ABHD17C: variants seen among roughly 807,000 people sequenced by gnomAD.
ABHD17C encodes the protein alpha/beta hydrolase domain-containing protein 17C.
A neutral mutation model predicts 27.9 loss-of-function variants in ABHD17C; 11 were observed. The ratio of observed to expected loss-of-function variants is 0.39; its 90% CI spans 0.25 to 0.65. The LOEUF (loss-of-function observed/expected upper bound fraction) is 0.65, where lower values mean the gene tolerates loss of function less well. Ranked by LOEUF, ABHD17C falls within the 30% of genes least tolerant of loss-of-function variation. The pLI is 0.45. For missense variants in ABHD17C, 280 were observed against 470.2 expected, an observed-to-expected ratio of 0.60 and a Z score of 3.74; for synonymous variants, 233 against 209.1, an observed-to-expected ratio of 1.11 and a Z score of -0.98.
intron 2 of ABHD17C, among the ~76,000 whole-genome samples, chr15:80,750,485 A>G (rs1352735123): frequency 6.6e-6 from 1 of 152,252 alleles, no homozygotes; most frequent in African/African-American, 2.4e-5. Flanking sequence ...AAACCTCAGC[A>G]GAAAGAAGAC....
chr15:80,732,035 A>G (rs932817511), intron 1 of ABHD17C, among the ~76,000 whole-genome samples: 11 of 152,210 alleles, frequency 7.2e-5, no homozygotes, highest in African/African-American at 2.4e-4. Context: ...TTAAAGTGCC[A>G]TTTACATCTG....
rs1044664733 is a variant in ABHD17C, at chr15:80,732,385, G to A, written c.591-17128G>A. Among the ~76,000 whole-genome samples the A allele has an allele frequency of 4.6e-5, 7 of 152,134 alleles. No individual in the cohort carries two copies. The East Asian group carries it at 7.7e-4, about 17-fold the overall frequency. On this transcript the variant is annotated intron_variant, in intron 1 of 2. Transcript: ENST00000258884. ...TATCCCAGACTCTGATAGGCTTATC[G>A]CAAGCAGCTCTCTTGGCAGTTTCCA...
intron 1 of ABHD17C, among the ~76,000 whole-genome samples, chr15:80,720,519 T>A (rs1365505349): frequency 7.9e-5 from 12 of 152,224 alleles, no homozygotes; most frequent in Non-Finnish European, 1.8e-4. Flanking sequence ...TTCTGGTTTC[T>A]TGAAGCTGGC....
chr15:80,722,737 G>A (rs548867280), intron 1 of ABHD17C, among the ~76,000 whole-genome samples: 4 of 152,126 alleles, frequency 2.6e-5, no homozygotes, highest in Non-Finnish European at 4.4e-5. Context: ...CTCCCCTAAC[G>A]CCTGGCAACC....
chr15:80,741,975 G>C (rs1895217327), intron 1 of ABHD17C, among the ~76,000 whole-genome samples: 1 of 152,292 alleles, frequency 6.6e-6, no homozygotes, highest in African/African-American at 2.4e-5. Context: ...TCACATCCCA[G>C]GTGGGACGGA....
intron 1 of ABHD17C, among the ~76,000 whole-genome samples, chr15:80,745,656 C>T (rs756222643): frequency 7.9e-5 from 12 of 152,162 alleles, no homozygotes; most frequent in African/African-American, 1.2e-4. Flanking sequence ...CGTGAGCCAT[C>T]GCGCCCAGCC....
chr15:80,754,071 T>A (rs1443900645), intron 2 of ABHD17C, 80 bp from the exon 3 acceptor site: 37 of 1,127,140 alleles, frequency 3.3e-5, no homozygotes, highest in Non-Finnish European at 4.9e-5. Context: ...ATTATTAACT[T>A]ATCATTAAAT....
At chr15:80,750,451 A>G (rs1373548227) in intron 2 of ABHD17C, among the ~76,000 whole-genome samples, 1 of 152,210 alleles carries the variant, frequency 6.6e-6, no homozygotes, top group African/African-American at 2.4e-5. Context: ...GGACTGGCCC[A>G]GCTCATGTTG....
chr15:80,709,992 A>G (rs1412022486), intron 1 of ABHD17C, among the ~76,000 whole-genome samples: 2 of 152,228 alleles, frequency 1.3e-5, no homozygotes, highest in Non-Finnish European at 2.9e-5. Context: ...TATGTGAATG[A>G]TAGTTTATTA....
At chr15:80,713,354 C>CTTTTTTT (rs67320992) in intron 1 of ABHD17C, among the ~76,000 whole-genome samples, 1,045 of 43,862 alleles carry the variant, frequency 0.024, 192 homozygotes, top group African/African-American at 0.038. Context: ...AGGTCTTGTT[C>CTTTTTTT]TTTTTTTTTT....
chr15:80,697,626 C>CTTT (rs35478204), intron 1 of ABHD17C, among the ~76,000 whole-genome samples: 1 of 145,912 alleles, frequency 6.9e-6, no homozygotes, highest in Non-Finnish European at 1.5e-5. Flanking sequence ...TTCCTGGAAA[C>CTTT]TTTTTTTTTT....
intron 1 of ABHD17C, among the ~76,000 whole-genome samples, chr15:80,708,394 C>T (rs1894678577): frequency 6.6e-6 from 1 of 152,206 alleles, no homozygotes; most frequent in South Asian, 2.1e-4. Flanking sequence ...CAGCTCACTG[C>T]AGCCTCTGCC....
chr15:80,733,672 G>A (rs918636786), intron 1 of ABHD17C, among the ~76,000 whole-genome samples: 1 of 152,170 alleles, frequency 6.6e-6, no homozygotes, highest in African/African-American at 2.4e-5. Context: ...TAGCATTGCT[G>A]TCTCAGATTC....
At position 80,695,726 on chromosome 15, in the gene ABHD17C, C is replaced by T. The variant is rs1399726692; in HGVS notation, c.297C>T (p.Tyr99=). 4 of 1,533,748 alleles carry T rather than the reference C, an allele frequency of 2.6e-6. No homozygotes were observed. Among genetic ancestry groups the T allele is most frequent in the Admixed American group, 2.0e-5 (1 of 50,920 alleles). ...TCAGCGAGCGCGCCGACTGGCAGTACTCGCAGCGCGAGCTGGACGCCGTCG... is the reference window on the plus strand; with the variant it reads ...TCAGCGAGCGCGCCGACTGGCAGTATTCGCAGCGCGAGCTGGACGCCGTCG... ...LHLSERADWQ[Y]SQRELDAVEV... The change falls in exon 1 of 3, where the codon TAC becomes TAT. Residue 99 remains tyrosine (Y), a synonymous_variant. Coordinates refer to ENST00000258884, the MANE Select transcript of ABHD17C (RefSeq NM_021214.2). This position sits in a 1 kb window ranked among gnomAD's most constrained non-coding sequence, Gnocchi z 4.3.
At chr15:80,713,770 T>C (rs376387996) in intron 1 of ABHD17C, among the ~76,000 whole-genome samples, 1 of 151,758 alleles carries the variant, frequency 6.6e-6, no homozygotes, top group Non-Finnish European at 1.5e-5. Context: ...GATCGTGCCA[T>C]TGCACTCCAG....
intron 1 of ABHD17C, among the ~76,000 whole-genome samples, chr15:80,698,393 A>AT (rs1894526920): frequency 6.6e-6 from 1 of 152,180 alleles, no homozygotes; most frequent in Non-Finnish European, 1.5e-5. Context: ...AGAAAAAAAA[A>AT]GATGGTTGTG....
At chr15:80,739,603 T>C (rs1313756157) in intron 1 of ABHD17C, among the ~76,000 whole-genome samples, 2 of 152,174 alleles carry the variant, frequency 1.3e-5, no homozygotes, top group Admixed American at 1.3e-4. Flanking sequence ...ACATCTCTCT[T>C]GTTCTCTCCC....
At chr15:80,727,675 T>G (rs1474322563) in intron 1 of ABHD17C, among the ~76,000 whole-genome samples, 1 of 151,756 alleles carries the variant, frequency 6.6e-6, no homozygotes, top group Non-Finnish European at 1.5e-5. Context: ...TGCAGTGGGG[T>G]CTGTGAGCGT....
At chr15:80,712,545 C>T (rs553269587) in intron 1 of ABHD17C, among the ~76,000 whole-genome samples, 1 of 152,162 alleles carries the variant, frequency 6.6e-6, no homozygotes, top group Non-Finnish European at 1.5e-5. Flanking sequence ...CCTCACCTGT[C>T]TATGGGTGAG....
Sources: allele counts gnomAD v4.1 joint callset (sites outside exome capture counted in the v4.1 genomes callset), GRCh38; gene constraint gnomAD v4.1.1; non-coding constraint Gnocchi (gnomAD v3.1); transcripts MANE v1.5; gene names NCBI Gene and HGNC (gene_info 2026-07-23, HGNC 2026-07-21).